Variants in ENOX1 observed in about 807,000 individuals in gnomAD.
ENOX1 encodes the protein ecto-NOX disulfide-thiol exchanger 1.
A neutral mutation model predicts 82.5 loss-of-function variants in ENOX1; 42 were observed. The observed-to-expected ratio is 0.51, with a 90% CI of 0.40 to 0.66. ENOX1 has a LOEUF of 0.66. Ranked by LOEUF, ENOX1 falls within the 30% of genes least tolerant of loss-of-function variation. ENOX1 has a pLI of 0.00. For synonymous variants in ENOX1, 271 were observed against 282.2 expected, an observed-to-expected ratio of 0.96 and a Z score of 0.40; for missense variants, 608 against 811.6, an observed-to-expected ratio of 0.75 and a Z score of 3.05.
chr13:43,283,796 G>GT (rs999263438), intron 12 of ENOX1, among the ~76,000 whole-genome samples: 7 of 151,312 alleles, frequency 4.6e-5, no homozygotes, highest in African/African-American at 1.5e-4. Flanking sequence ...ACTGTTACTA[G>GT]TTTTTTTTCC....
At chr13:43,541,192 T>TTTTTTTGTTTTTTTTTTTTTTTG (rs2078706996) in intron 2 of ENOX1, among the ~76,000 whole-genome samples, 1 of 106,428 alleles carries the variant, frequency 9.4e-6, no homozygotes, top group Non-Finnish European at 2.1e-5. Context: ...TTTTTTTTTT[T>TTTTTTTGTTTTTTTTTTTTTTTG]TTTTTTGCTA....
intron 2 of ENOX1, among the ~76,000 whole-genome samples, chr13:43,599,814 G>A (rs2081624956): frequency 6.6e-6 from 1 of 151,228 alleles, no homozygotes; most frequent in Non-Finnish European, 1.5e-5. Flanking sequence ...GACTTTGCAA[G>A]TCCAAGTTCA....
chr13:43,435,945 A>C (rs955371721), intron 3 of ENOX1, among the ~76,000 whole-genome samples: 1 of 151,386 alleles, frequency 6.6e-6, no homozygotes, highest in Non-Finnish European at 1.5e-5. Flanking sequence ...AAAAAAAAAA[A>C]CCAACCTATG....
chr13:43,294,229 C>T (rs77430735), intron 12 of ENOX1, among the ~76,000 whole-genome samples: 1,991 of 152,262 alleles, frequency 0.013, 19 homozygotes, highest in South Asian at 0.045. Context: ...ATTAGTCATA[C>T]GCACTTTTAT....
chr13:43,444,295 C>G (rs2056511042), intron 3 of ENOX1, among the ~76,000 whole-genome samples: 1 of 152,204 alleles, frequency 6.6e-6, no homozygotes, highest in African/African-American at 2.4e-5. Flanking sequence ...TGTTAGTCAT[C>G]AGCAAGGAGA....
chr13:43,390,251 A>G (rs1359178893), intron 5 of ENOX1, among the ~76,000 whole-genome samples: 1 of 152,230 alleles, frequency 6.6e-6, no homozygotes, highest in Non-Finnish European at 1.5e-5. Flanking sequence ...AAATCATGGC[A>G]TATAAATGAG....
At chr13:43,589,896 C>CAAAA (rs56787803) in intron 2 of ENOX1, among the ~76,000 whole-genome samples, 2 of 108,882 alleles carry the variant, frequency 1.8e-5, no homozygotes, top group African/African-American at 6.6e-5. Flanking sequence ...GTCTATTCTG[C>CAAAA]AAAAAAAAAA....
intron 2 of ENOX1, among the ~76,000 whole-genome samples, chr13:43,600,814 C>A (rs543993227): frequency 3.3e-5 from 5 of 152,262 alleles, no homozygotes; most frequent in Non-Finnish European, 5.9e-5. Context: ...CAGCTCCAGG[C>A]AGCTCAGCAT....
chr13:43,332,016 T>G (rs1388513631), intron 9 of ENOX1, among the ~76,000 whole-genome samples: 3 of 152,100 alleles, frequency 2.0e-5, no homozygotes, highest in Non-Finnish European at 2.9e-5. Context: ...ATTCTGGGGT[T>G]TTGTCTTGAG....
chr13:43,308,196 G>A (rs1371829512), intron 11 of ENOX1, among the ~76,000 whole-genome samples: 1 of 152,114 alleles, frequency 6.6e-6, no homozygotes, highest in Non-Finnish European at 1.5e-5. Context: ...TGAACCAGAG[G>A]ATACTCCAAA....
intron 3 of ENOX1, among the ~76,000 whole-genome samples, chr13:43,478,547 G>T (rs773361323): frequency 6.6e-6 from 1 of 152,034 alleles, no homozygotes; most frequent in Non-Finnish European, 1.5e-5. Flanking sequence ...ACAACATAAT[G>T]AAAGTCTTTT....
At chr13:43,223,242 T>C (rs759806297) in intron 16 of ENOX1, among the ~76,000 whole-genome samples, 6 of 152,196 alleles carry the variant, frequency 3.9e-5, no homozygotes, top group Admixed American at 1.3e-4. Flanking sequence ...TATTTCCATT[T>C]TCCTTCATGA....
At chr13:43,646,658 T>C (rs912226609) in intron 2 of ENOX1, among the ~76,000 whole-genome samples, 1 of 152,178 alleles carries the variant, frequency 6.6e-6, no homozygotes, top group African/African-American at 2.4e-5. Context: ...TGTAAATCCC[T>C]GTCATCAATC....
In ENOX1 at chr13:43,282,819, G is replaced by A. The variant is rs374007504; in HGVS notation, c.1447-13242C>T. ...TAAAATTTTAAGCTATTGGCCAGGC[G>A]CGGTGGCTTATGCCTGTAATCCCAG... On this transcript the variant is annotated intron_variant, in intron 12 of 16. Transcript: ENST00000690772. 1.8e-4 allele frequency among the ~76,000 whole-genome samples: 28 copies of A among 152,050 alleles called. No individual in the cohort carries two copies. The East Asian group carries it at 2.1e-3, about 12-fold the overall frequency.
intron 3 of ENOX1, among the ~76,000 whole-genome samples, chr13:43,465,107 A>C (rs149614198): frequency 6.6e-6 from 1 of 152,286 alleles, no homozygotes; most frequent in East Asian, 1.9e-4. Context: ...GATAATGTTT[A>C]CCAGGCTTTT....
intron 1 of ENOX1, among the ~76,000 whole-genome samples, chr13:43,777,636 G>A (rs1447033036): frequency 2.0e-5 from 3 of 150,910 alleles, no homozygotes; most frequent in African/African-American, 7.3e-5. Flanking sequence ...TCCACCTCCC[G>A]GGTTCAAGTG....
intron 3 of ENOX1, among the ~76,000 whole-genome samples, chr13:43,470,129 T>C (rs1337849235): frequency 6.6e-6 from 1 of 150,390 alleles, no homozygotes; most frequent in Non-Finnish European, 1.5e-5. Flanking sequence ...TTAATATGGA[T>C]AATAAATCTA....
In ENOX1 at chr13:43,366,423, C is replaced by T. The variant is rs371166753; in HGVS notation, c.209-4971G>A. Among the ~76,000 whole-genome samples the T allele has an allele frequency of 3.3e-5, 5 of 152,200 alleles. No individual in the cohort carries two copies. In the East Asian group the frequency reaches 7.7e-4, roughly 24 times the overall value. On this transcript the variant is annotated intron_variant, in intron 5 of 16. Transcript: ENST00000690772. ...CTGAGTAGCTGGGACTACAGGCGCC[C>T]GCCACCATGCCTGGCTAATTTTTTT...
In ENOX1 at chr13:43,359,940, T is replaced by A. The variant is rs751490665; in HGVS notation, c.500A>T (p.Asp167Val). The A allele has an allele frequency of 6.2e-7, 1 of 1,614,236 alleles. No homozygotes were observed. Among genetic ancestry groups the A allele is most frequent in the Admixed American group, 1.7e-5 (1 of 60,030 alleles). The change falls in exon 7 of 17, where the codon GAT (aspartate) becomes GTT (valine). Residue 167 changes from aspartate to valine, a missense_variant. Asp to Val is a radical substitution (Grantham distance 152, BLOSUM62 -3). Transcript: ENST00000690772. ...IIQEVFEQCG[D>V]ITAIRKSKKN... Reference sequence around the variant, plus strand: ...CTTGCTTTTCCGAATTGCTGTAATATCACCGCACTGTTCAAAGACTTCTTG... The same window carrying A: ...CTTGCTTTTCCGAATTGCTGTAATAACACCGCACTGTTCAAAGACTTCTTG...
Sources: allele counts gnomAD v4.1 joint callset (sites outside exome capture counted in the v4.1 genomes callset), GRCh38; gene constraint gnomAD v4.1.1; transcripts MANE v1.5; gene names NCBI Gene and HGNC (gene_info 2026-07-23, HGNC 2026-07-21).